The following PTPRT variants were observed in gnomAD, a reference collection of about 807,000 sequenced individuals.
PTPRT encodes the protein protein tyrosine phosphatase receptor type T.
PTPRT carries 56 observed loss-of-function variants against 176.8 expected under a neutral mutation model. The ratio of observed to expected loss-of-function variants is 0.32; its 90% CI spans 0.26 to 0.40. PTPRT has a LOEUF of 0.40. PTPRT is among the 10% of genes least tolerant of loss of function. The pLI is 1.00. For missense variants in PTPRT, 1,540 were observed against 1,908.2 expected, an observed-to-expected ratio of 0.81 and a Z score of 3.60; for synonymous variants, 783 against 739.0, an observed-to-expected ratio of 1.06 and a Z score of -0.96.
chr20:42,972,191 C>T (rs554851006), intron 1 of PTPRT, among the ~76,000 whole-genome samples: 23 of 144,502 alleles, frequency 1.6e-4, no homozygotes, highest in Middle Eastern at 3.8e-3. Context: ...AGGGGAGGCA[C>T]GGCATTCCAT....
chr20:42,925,776 T>C (rs1196512076), intron 1 of PTPRT, among the ~76,000 whole-genome samples: 1 of 152,184 alleles, frequency 6.6e-6, no homozygotes, highest in Non-Finnish European at 1.5e-5. Context: ...GTGAGGCAGA[T>C]GCTTCTGGTC....
chr20:43,038,665 T>G (rs1464566946), intron 1 of PTPRT, among the ~76,000 whole-genome samples: 2 of 152,158 alleles, frequency 1.3e-5, no homozygotes, highest in Non-Finnish European at 2.9e-5. Context: ...GAAGTATCAT[T>G]ATGTGTAGAT....
At chr20:43,122,765 C>G (rs377531827) in intron 1 of PTPRT, among the ~76,000 whole-genome samples, 14 of 152,184 alleles carry the variant, frequency 9.2e-5, no homozygotes, top group African/African-American at 2.9e-4. Flanking sequence ...TGGCACCATG[C>G]TTCCTGTACA....
chr20:42,189,802 G>A (rs557162174), intron 16 of PTPRT, among the ~76,000 whole-genome samples: 1 of 152,290 alleles, frequency 6.6e-6, no homozygotes, highest in East Asian at 1.9e-4. Context: ...TTTTTAAGAT[G>A]AGAAGTTTGG....
intron 7 of PTPRT, among the ~76,000 whole-genome samples, chr20:42,597,566 G>C (rs2073693385): frequency 6.6e-6 from 1 of 152,112 alleles, no homozygotes; most frequent in African/African-American, 2.4e-5. Flanking sequence ...TGATTGTTTA[G>C]AAGTGTCTAG....
chr20:42,916,838 C>T (rs977261931), intron 1 of PTPRT, among the ~76,000 whole-genome samples: 38 of 152,132 alleles, frequency 2.5e-4, no homozygotes, highest in East Asian at 2.1e-3. Flanking sequence ...TTTGTTTGAG[C>T]TCATTGTAGA....
chr20:42,118,026 C>T (rs892476862), intron 21 of PTPRT, among the ~76,000 whole-genome samples: 11 of 152,212 alleles, frequency 7.2e-5, no homozygotes, highest in Middle Eastern at 3.4e-3. Flanking sequence ...AGTTGACATT[C>T]GACCATTTGG....
At chr20:42,926,259 G>A (rs75354587) in intron 1 of PTPRT, among the ~76,000 whole-genome samples, 2,729 of 152,244 alleles carry the variant, frequency 0.018, 94 homozygotes, top group African/African-American at 0.062. Flanking sequence ...AAGCCTCCCT[G>A]CATCCACCCC....
chr20:42,925,012 G>C (rs1979392844), intron 1 of PTPRT, among the ~76,000 whole-genome samples: 2 of 152,196 alleles, frequency 1.3e-5, no homozygotes, highest in African/African-American at 4.8e-5. Flanking sequence ...TACTGCGGCT[G>C]CATTGAGCCT....
intron 2 of PTPRT, among the ~76,000 whole-genome samples, chr20:42,795,435 A>C (rs1295268326): frequency 1.3e-5 from 2 of 152,234 alleles, no homozygotes; most frequent in Non-Finnish European, 2.9e-5. Context: ...TATTGTGTTT[A>C]CACATGAGCA....
chr20:42,613,061 T>C (rs1221415037), intron 7 of PTPRT, among the ~76,000 whole-genome samples: 1 of 152,266 alleles, frequency 6.6e-6, no homozygotes, highest in African/African-American at 2.4e-5. Context: ...TTTATTTTCA[T>C]GTATTTTCCA....
intron 11 of PTPRT, among the ~76,000 whole-genome samples, chr20:42,328,405 G>A (rs1355267671): frequency 1.3e-5 from 2 of 152,198 alleles, no homozygotes; most frequent in East Asian, 3.9e-4. Flanking sequence ...AAGAGGAAAA[G>A]CATCTCAAAT....
At chr20:42,032,777 C>T in the PTPRT span, among the ~76,000 whole-genome samples, 1 of 151,856 alleles carries the variant, frequency 6.6e-6, no homozygotes, top group Non-Finnish European at 1.5e-5. Context: ...TCTCTCTCTC[C>T]CTCTCATCTC....
chr20:42,176,421 C>G (rs183260337), intron 16 of PTPRT, among the ~76,000 whole-genome samples: 11 of 152,302 alleles, frequency 7.2e-5, no homozygotes, highest in African/African-American at 2.6e-4. Context: ...ATCCGAAGCT[C>G]TTCTCTCAGA....
At position 42,756,537 on chromosome 20, in the gene PTPRT, C is replaced by G; in HGVS notation, c.784G>C (p.Val262Leu). The G allele has an allele frequency of 1.2e-6, 2 of 1,612,812 alleles. No homozygotes were observed. The highest frequency in any genetic ancestry group is 1.1e-5 in the South Asian group (1 of 90,956). ...CGGATCACACAGCGGTACTTGCTGA[C>G]GCTCCGCTGGGCAGTGTCTGCCACA... is the stretch of plus-strand genomic sequence containing the variant. ...VSVADTAQRS[V>L]SKYRCVIRSD... is the part of the protein sequence containing the mutation. Residue 262 changes from valine to leucine, a missense_variant, in exon 6 of 31, where the codon GTC becomes CTC. Physicochemically the swap from Val to Leu is conservative, Grantham distance 32. Around this residue, in one of 11 missense-constraint regions of PTPRT, gnomAD observed 273 missense variants for 432.1 expected, o/e 0.63. Transcript: ENST00000373187.
At chr20:42,682,694 C>T (rs559869666) in intron 6 of PTPRT, among the ~76,000 whole-genome samples, 21 of 152,302 alleles carry the variant, frequency 1.4e-4, no homozygotes, top group African/African-American at 5.1e-4. Flanking sequence ...CAAAGCGCTG[C>T]GAGGACAAGG....
chr20:42,498,051 C>CTT (rs1261561227), intron 7 of PTPRT, among the ~76,000 whole-genome samples: 1 of 152,052 alleles, frequency 6.6e-6, no homozygotes, highest in African/African-American at 2.4e-5. Context: ...ACTAGTGGTA[C>CTT]TTTGTATGGG....
intron 1 of PTPRT, among the ~76,000 whole-genome samples, chr20:42,909,784 A>G (rs962698392): frequency 6.6e-6 from 1 of 152,164 alleles, no homozygotes; most frequent in Admixed American, 6.5e-5. Flanking sequence ...CCAGATCACC[A>G]TTATTCACTT....
chr20:42,716,607 T>A (rs1372289497), intron 6 of PTPRT, among the ~76,000 whole-genome samples: 3 of 152,248 alleles, frequency 2.0e-5, no homozygotes, highest in Non-Finnish European at 4.4e-5. Flanking sequence ...TGTTTGTTTT[T>A]TTCTTGTAAA....
Sources: gnomAD v4.1 joint callset for allele counts (sites outside exome capture counted in the v4.1 genomes callset) on GRCh38, gnomAD v4.1.1 for gene constraint, gnomAD v4.1.1 regional missense constraint, MANE v1.5 for transcripts, NCBI Gene and HGNC (gene_info 2026-07-23, HGNC 2026-07-21) for gene names.